MMRN2: variants seen among roughly 807,000 people sequenced by gnomAD.
MMRN2 encodes multimerin-2.
In MMRN2, 53 loss-of-function variants were observed where a neutral mutation model predicts 68.8. The observed-to-expected ratio is 0.77, with a 90% CI of 0.62 to 0.97. The LOEUF (loss-of-function observed/expected upper bound fraction) is 0.97, where lower values mean the gene tolerates loss of function less well. Among genes scored for constraint, MMRN2 ranks in the 50% least tolerant of loss-of-function variants. The probability of loss-of-function intolerance (pLI) is 0.00; values close to 1 mark genes in which losing one functional copy is unlikely to be tolerated. For missense variants in MMRN2, 1,266 were observed against 1,259.5 expected (o/e 1.01, Z -0.08); for synonymous variants, 564 against 551.6 (o/e 1.02, Z -0.32).
chr10:86,936,769 C>T lies in MMRN2; in HGVS notation c.2824G>A (p.Gly942Arg), dbSNP rs745652497. ...CAGGTCTTAAACATCAGGAAGCCCC[C>T]AAATGCAGTGCCCGACAGGCTTCTC... ...TKRSLSGTAF[G>R]GFLMFKT The change falls in exon 7 of 7, where the codon GGG (glycine) becomes AGG (arginine). Residue 942 changes from glycine to arginine, a missense_variant. Transcript: ENST00000372027. 6.2e-7 allele frequency: 1 copy of T among 1,614,174 alleles called. No homozygotes were observed. The highest frequency in any genetic ancestry group is 1.1e-5 in the South Asian group (1 of 91,072).
intron 1 of MMRN2, among the ~76,000 whole-genome samples, chr10:86,946,503 G>T (rs1305931408): frequency 6.6e-6 from 1 of 152,234 alleles, no homozygotes; most frequent in East Asian, 1.9e-4. Flanking sequence ...GTGGTTGGGG[G>T]TCACACTCAG....
chr10:86,952,995 G>A (rs918956150), intron 1 of MMRN2, among the ~76,000 whole-genome samples: 4 of 152,118 alleles, frequency 2.6e-5, no homozygotes, highest in Non-Finnish European at 4.4e-5. Flanking sequence ...AGAATTTAGC[G>A]ATATCTCTCC....
At chr10:86,956,756 G>T (rs1225144589) in intron 1 of MMRN2, among the ~76,000 whole-genome samples, 1 of 152,220 alleles carries the variant, frequency 6.6e-6, no homozygotes, top group Non-Finnish European at 1.5e-5. Context: ...TGACTGAGGG[G>T]CAGTTGGAGA....
chr10:86,945,717 G>A, intron 1 of MMRN2, 28 bp from the exon 2 acceptor site: 1 of 1,613,498 alleles, frequency 6.2e-7, no homozygotes, highest in Non-Finnish European at 8.5e-7. Flanking sequence ...GGAGAAGGCT[G>A]CTGAGCCACA....
chr10:86,945,800 G>T lies in MMRN2; in HGVS notation c.165-111C>A, dbSNP rs775229395. ...CTGCCGGAGCAGTGCTGGGATTCTG[G>T]AATCCATTATCCTGAGAAGAGAGCC... On this transcript the variant is annotated intron_variant, in intron 1 of 6. Coordinates refer to ENST00000372027, the MANE Select transcript of MMRN2 (RefSeq NM_024756.3). 3.1e-4 allele frequency: 477 copies of T among 1,562,398 alleles called. 1 individual carries two copies. Among genetic ancestry groups the T allele is most frequent in the Non-Finnish European group, 2.2e-4 (253 of 1,154,254 alleles).
Position 86,943,833 on chromosome 10 carries a change from G to T in MMRN2, c.951C>A (p.Ala317=), listed in dbSNP as rs368620922. The change falls in exon 6 of 7, where the codon GCC becomes GCA. Residue 317 remains alanine (A), a synonymous_variant. Coordinates refer to ENST00000372027, the MANE Select transcript of MMRN2 (RefSeq NM_024756.3). This position sits in a 1 kb window ranked among gnomAD's most constrained non-coding sequence, Gnocchi z 4.2. ...TCGAGCGGTGCAGGGTAAAGTGCTG[G>T]GCGTGCAGGCGGTCCTCCACGTCCT... is the stretch of plus-strand genomic sequence containing the variant. ...LRQDVEDRLH[A]QHFTLHRSIS... The T allele has an allele frequency of 2.6e-4, 424 of 1,612,428 alleles. 1 individual carries two copies. Among genetic ancestry groups the T allele is most frequent in the Non-Finnish European group, 3.5e-4 (417 of 1,180,010 alleles).
At chr10:86,953,117 C>T (rs1188408277) in intron 1 of MMRN2, among the ~76,000 whole-genome samples, 1 of 152,154 alleles carries the variant, frequency 6.6e-6, no homozygotes, top group Non-Finnish European at 1.5e-5. Context: ...CCTAAAATCG[C>T]TGTTATTCTG....
rs757358805 is a variant in MMRN2, at chr10:86,943,166, C to G, written c.1618G>C (p.Val540Leu). The G allele has an allele frequency of 1.9e-6, 3 of 1,604,672 alleles. No individual in the cohort carries two copies. Among genetic ancestry groups the G allele is most frequent in the Non-Finnish European group, 2.6e-6 (3 of 1,176,262 alleles). Residue 540 changes from valine (V) to leucine (L), a missense_variant, in exon 6 of 7, where the codon GTG (valine) becomes CTG (leucine). Coordinates refer to ENST00000372027, the MANE Select transcript of MMRN2 (RefSeq NM_024756.3). The surrounding 1 kb of genome is among the most constrained non-coding windows in gnomAD (Gnocchi z 4.2). ...TCCACGGCCAGCGACACGGCGTCCA[C>G]GGCGTTCTGCAGGGCCTGCAGGGAG... ...GSSLQALQNA[V>L]DAVSLAVDAH...
intron 1 of MMRN2, among the ~76,000 whole-genome samples, chr10:86,954,694 G>C (rs1400557663): frequency 6.6e-6 from 1 of 152,150 alleles, no homozygotes; most frequent in Non-Finnish European, 1.5e-5. Flanking sequence ...AGTCAGAAAA[G>C]GGCCTTGGCA....
intron 1 of MMRN2, chr10:86,948,656 C>G (rs192216843): frequency 6.6e-6 from 1 of 151,930 alleles, no homozygotes; most frequent in Admixed American, 6.6e-5. Flanking sequence ...AGAAAATCAT[C>G]AATGAAAAAA....
rs1439067471 is a variant in MMRN2 at position 86,943,428 on chromosome 10, C to A, written c.1356G>T (p.Glu452Asp). The change falls in exon 6 of 7, where the codon GAG becomes GAT. Residue 452 changes from glutamate (E) to aspartate (D), a missense_variant. Glu to Asp is a conservative substitution (Grantham distance 45). Transcript: ENST00000372027. This position sits in a 1 kb window ranked among gnomAD's most constrained non-coding sequence, Gnocchi z 4.2. ...ALRELRVILMEKSLIMEENKE... is the reference protein window; with the variant it reads ...ALRELRVILMDKSLIMEENKE... Reference sequence around the variant, plus strand: ...TGTTCTCCTCCATGATCAGAGACTTCTCCATCAGGATCACGCGCAGCTCAC... The same window carrying A: ...TGTTCTCCTCCATGATCAGAGACTTATCCATCAGGATCACGCGCAGCTCAC... 1 of 1,614,158 alleles carries A rather than the reference C, an allele frequency of 6.2e-7. No homozygotes were observed. The highest frequency in any genetic ancestry group is 2.2e-5 in the East Asian group (1 of 44,878).
At chr10:86,954,649 A>C (rs1844192512) in intron 1 of MMRN2, among the ~76,000 whole-genome samples, 1 of 152,194 alleles carries the variant, frequency 6.6e-6, no homozygotes, top group South Asian at 2.1e-4. Flanking sequence ...TAACTTGACC[A>C]TTCCAGGGGA....
At chr10:86,939,836 TGTTTGTGTG>T (rs1564730639) in intron 6 of MMRN2, among the ~76,000 whole-genome samples, 61 of 132,520 alleles carry the variant, frequency 4.6e-4, no homozygotes, top group Admixed American at 1.6e-3. Context: ...TGTGTGTGTG[TGTTTGTGTG>T]TGTGTGTGTG....
At position 86,939,829 on chromosome 10, in the gene MMRN2, GTGTGTGTGTT is replaced by G. The variant is rs1459619409; in HGVS notation, c.2467+2478_2467+2487del. On this transcript the variant is annotated intron_variant, in intron 6 of 6. Coordinates refer to ENST00000372027, the MANE Select transcript of MMRN2 (RefSeq NM_024756.3). ...GGGGTGTGTGTGTGTGTGTGTGTGTGTGTGTGTGTTTGTGTGTGTGTGTGTGTGTGTGTGT... is the reference window on the plus strand; with the variant it reads ...GGGGTGTGTGTGTGTGTGTGTGTGTGTGTGTGTGTGTGTGTGTGTGTGTGT... 1.5e-3 allele frequency among the ~76,000 whole-genome samples: 201 copies of G among 136,232 alleles called. 1 individual carries two copies. Among genetic ancestry groups the G allele is most frequent in the African/African-American group, 4.7e-3 (170 of 36,452 alleles). The allele number at this position is 136,232 out of a possible 152,430, so 89.4% of individuals were successfully genotyped here.
At chr10:86,939,430 C>T (rs976070346) in intron 6 of MMRN2, among the ~76,000 whole-genome samples, 1 of 128,954 alleles carries the variant, frequency 7.8e-6, no homozygotes, top group Non-Finnish European at 1.5e-5. Context: ...CCATTGCACT[C>T]CACCCTGAGC....
chr10:86,941,988 G>C (rs376969197), intron 6 of MMRN2, among the ~76,000 whole-genome samples: 1 of 152,124 alleles, frequency 6.6e-6, no homozygotes, highest in East Asian at 1.9e-4. Context: ...GGGGGGACTT[G>C]AAGGCTGCCC....
chr10:86,939,461 CAAAAAAAAAAAAAAAA>C (rs34692290), intron 6 of MMRN2, among the ~76,000 whole-genome samples: 12 of 74,576 alleles, frequency 1.6e-4, no homozygotes, highest in African/African-American at 2.3e-4. Context: ...GACTCCGTCT[CAAAAAAAAAAAAAAAA>C]AAAAAAAAAA....
intron 1 of MMRN2, among the ~76,000 whole-genome samples, chr10:86,947,561 C>T (rs1172248470): frequency 2.0e-5 from 3 of 151,762 alleles, no homozygotes; most frequent in Admixed American, 1.3e-4. Flanking sequence ...TTAGTAGAGA[C>T]GGGGTTTCAC....
chr10:86,952,456 C>T (rs1484772505), intron 1 of MMRN2, among the ~76,000 whole-genome samples: 1 of 152,128 alleles, frequency 6.6e-6, no homozygotes, highest in South Asian at 2.1e-4. Context: ...CCCTAAGTGT[C>T]GACTGGTCTG....
Sources: allele counts gnomAD v4.1 joint callset (sites outside exome capture counted in the v4.1 genomes callset), GRCh38; gene constraint gnomAD v4.1.1; non-coding constraint Gnocchi (gnomAD v3.1); transcripts MANE v1.5; gene names NCBI Gene and HGNC (gene_info 2026-07-23, HGNC 2026-07-21).